Variants in LMO7 observed in about 807,000 individuals in gnomAD.
The protein encoded by LMO7 is LIM domain 7, also known as LIM domain only protein 7.
LMO7 carries 120 observed loss-of-function variants against 206.5 expected under a neutral mutation model. The ratio of observed to expected loss-of-function variants is 0.58; its 90% CI spans 0.50 to 0.68. The LOEUF (loss-of-function observed/expected upper bound fraction) is 0.68. Ranked by LOEUF, LMO7 falls within the 30% of genes least tolerant of loss-of-function variation. The pLI is 0.00. For synonymous variants in LMO7, 706 were observed against 681.5 expected, an observed-to-expected ratio of 1.04 and a Z score of -0.56; for missense variants, 1,959 against 1,957.9, an observed-to-expected ratio of 1.00 and a Z score of -0.01.
intron 3 of LMO7, among the ~76,000 whole-genome samples, chr13:75,742,702 T>C (rs553303278): frequency 1.6e-4 from 25 of 152,216 alleles, no homozygotes; most frequent in Middle Eastern, 6.8e-3. Context: ...CTTTTCCTTG[T>C]ACCATATACA....
chr13:75,827,983 C>T (rs1413974544), intron 15 of LMO7, among the ~76,000 whole-genome samples: 1 of 152,182 alleles, frequency 6.6e-6, no homozygotes, highest in Non-Finnish European at 1.5e-5. Context: ...AGGACCTGCT[C>T]TCTGTAAGGG....
intron 1 of LMO7, among the ~76,000 whole-genome samples, chr13:75,640,278 C>T (rs2036404227): frequency 1.6e-5 from 2 of 128,334 alleles, no homozygotes; most frequent in Admixed American, 1.6e-4. Context: ...TATTTAAATC[C>T]TGTAGGTCTC....
chr13:75,713,283 C>CTTGT, intron 2 of LMO7, 31 bp downstream of exon 2: 2 of 1,523,554 alleles, frequency 1.3e-6, no homozygotes, highest in Non-Finnish European at 1.8e-6. Flanking sequence ...AAAAATAATT[C>CTTGT]AAAAGCAAAG....
chr13:75,852,065 T>C (rs1243420541), intron 27 of LMO7, among the ~76,000 whole-genome samples: 1 of 152,254 alleles, frequency 6.6e-6, no homozygotes, highest in African/African-American at 2.4e-5. Flanking sequence ...TGTATTTCTT[T>C]GAATTTTTAA....
intron 4 of LMO7, among the ~76,000 whole-genome samples, chr13:75,779,383 T>G (rs189666762): frequency 4.6e-5 from 7 of 152,224 alleles, no homozygotes; most frequent in Non-Finnish European, 4.4e-5. Context: ...GGGAAGGTTT[T>G]GCAAGATATT....
intron 1 of LMO7, among the ~76,000 whole-genome samples, chr13:75,701,936 C>T (rs2042310073): frequency 6.6e-6 from 1 of 152,080 alleles, no homozygotes; most frequent in African/African-American, 2.4e-5. Context: ...AACCAATCTT[C>T]CTTCATTTCT....
At chr13:75,740,548 A>G (rs1433886038) in intron 3 of LMO7, among the ~76,000 whole-genome samples, 1 of 152,230 alleles carries the variant, frequency 6.6e-6, no homozygotes, top group African/African-American at 2.4e-5. Context: ...CTAGTTTAAA[A>G]TAACCACTTA....
intron 1 of LMO7, chr13:75,621,999 C>G: frequency 4.0e-6 from 2 of 503,518 alleles, no homozygotes; most frequent in Non-Finnish European, 6.7e-6. Flanking sequence ...GAAGTAAATA[C>G]TGCAACTGAG....
chr13:75,790,034 G>A (rs1299195626), intron 4 of LMO7, among the ~76,000 whole-genome samples: 1 of 152,102 alleles, frequency 6.6e-6, no homozygotes, highest in Non-Finnish European at 1.5e-5. Context: ...ATAATACCAC[G>A]CCAGTGTGCT....
chr13:75,704,168 C>T (rs980552975), intron 1 of LMO7, among the ~76,000 whole-genome samples: 2 of 152,104 alleles, frequency 1.3e-5, no homozygotes, highest in Non-Finnish European at 2.9e-5. Flanking sequence ...TGGGGCTTCT[C>T]CCTGCGGAAA....
At chr13:75,732,460 TG>T (rs1354002983) in intron 3 of LMO7, among the ~76,000 whole-genome samples, 5 of 152,244 alleles carry the variant, frequency 3.3e-5, no homozygotes, top group Admixed American at 3.3e-4. Flanking sequence ...TCTCGAGCCT[TG>T]GCTTTCAGCT....
chr13:75,710,374 A>G (rs1332754261), intron 1 of LMO7, among the ~76,000 whole-genome samples: 1 of 152,186 alleles, frequency 6.6e-6, no homozygotes, highest in African/African-American at 2.4e-5. Context: ...CATTGAATCT[A>G]TAAATTACCT....
intron 4 of LMO7, among the ~76,000 whole-genome samples, chr13:75,787,695 A>G (rs562784341): frequency 3.4e-4 from 52 of 152,286 alleles, no homozygotes; most frequent in Non-Finnish European, 4.4e-4. Context: ...TTCCACAATG[A>G]TTATGGCATG....
At chr13:75,636,803 C>T in intron 1 of LMO7, 77 bp downstream of exon 1, 1 of 1,396,808 alleles carries the variant, frequency 7.2e-7, no homozygotes, top group South Asian at 1.2e-5. Context: ...ACTGCAGCCC[C>T]AGTCACTCTG....
At chr13:75,735,743 G>C (rs969468169) in intron 3 of LMO7, among the ~76,000 whole-genome samples, 2 of 151,760 alleles carry the variant, frequency 1.3e-5, no homozygotes, top group Non-Finnish European at 2.9e-5. Flanking sequence ...CAAAGTGCTG[G>C]AATTACAAGC....
At chr13:75,644,959 C>A (rs17064828) in intron 1 of LMO7, among the ~76,000 whole-genome samples, 3,380 of 152,216 alleles carry the variant, frequency 0.022, 131 homozygotes, top group African/African-American at 0.076. Flanking sequence ...CAATTGCCGA[C>A]TTTAGGTTTA....
intron 1 of LMO7, 62 bp from the exon 2 acceptor site, chr13:75,713,120 T>C (rs1594454355): frequency 1.7e-6 from 2 of 1,148,726 alleles, no homozygotes; most frequent in East Asian, 4.7e-5. Context: ...AATCTAATAC[T>C]GAATTGGACT....
intron 8 of LMO7, chr13:75,804,919 G>A (rs2141008141): frequency 9.9e-7 from 1 of 1,007,232 alleles, no homozygotes; most frequent in Non-Finnish European, 1.2e-6. Flanking sequence ...ACAGAGTGTG[G>A]TTTTGCAAAT....
chr13:75,830,450 G>C (rs186717890), intron 15 of LMO7, among the ~76,000 whole-genome samples: 27 of 152,282 alleles, frequency 1.8e-4, no homozygotes, highest in Admixed American at 1.1e-3. Context: ...TTTTATGAAA[G>C]AGAAGGCTTT....
Sources: allele counts gnomAD v4.1 joint callset (sites outside exome capture counted in the v4.1 genomes callset), GRCh38; gene constraint gnomAD v4.1.1; transcripts MANE v1.5; gene names NCBI Gene and HGNC (gene_info 2026-07-23, HGNC 2026-07-21).